The following ZNF385D variants were observed in gnomAD, a reference collection of about 807,000 sequenced individuals.
ZNF385D encodes zinc finger protein 659.
In ZNF385D, 15 loss-of-function variants were observed where a neutral mutation model predicts 35.8. The ratio of observed to expected loss-of-function variants is 0.42; its 90% confidence interval spans 0.28 to 0.64. The LOEUF (loss-of-function observed/expected upper bound fraction) is 0.64, where lower values mean the gene tolerates loss of function less well. Ranked by LOEUF, ZNF385D falls within the 30% of genes least tolerant of loss-of-function variation. The probability of loss-of-function intolerance (pLI) is 0.23; values close to 1 mark genes in which losing one functional copy is unlikely to be tolerated. For synonymous variants in ZNF385D, 212 were observed against 186.8 expected, an observed-to-expected ratio of 1.13 and a Z score of -1.10; for missense variants, 474 against 494.6, an observed-to-expected ratio of 0.96 and a Z score of 0.39.
intron 2 of ZNF385D, among the ~76,000 whole-genome samples, chr3:22,246,998 A>T (rs1699818563): frequency 6.6e-6 from 1 of 152,178 alleles, no homozygotes; most frequent in Non-Finnish European, 1.5e-5. Context: ...AAATTTAAAC[A>T]TTCACCATAT....
At chr3:22,010,328 A>G (rs1388555808) in intron 3 of ZNF385D, among the ~76,000 whole-genome samples, 1 of 152,212 alleles carries the variant, frequency 6.6e-6, no homozygotes, top group African/African-American at 2.4e-5. Context: ...AGTGGGGCAA[A>G]TCAAAATTCA....
At chr3:21,521,588 T>C (rs1245785849) in intron 3 of ZNF385D, among the ~76,000 whole-genome samples, 1 of 149,686 alleles carries the variant, frequency 6.7e-6, no homozygotes, top group Non-Finnish European at 1.5e-5. Flanking sequence ...CCCCCAACTC[T>C]GCTAAAAAAT....
chr3:22,150,986 A>G (rs1295271931), intron 3 of ZNF385D, among the ~76,000 whole-genome samples: 1 of 152,200 alleles, frequency 6.6e-6, no homozygotes, highest in Non-Finnish European at 1.5e-5. Flanking sequence ...GACCCAGCCC[A>G]CATGGACTTC....
chr3:22,014,050 G>A (rs1313551834), intron 3 of ZNF385D, among the ~76,000 whole-genome samples: 6 of 152,036 alleles, frequency 3.9e-5, no homozygotes, highest in Non-Finnish European at 8.8e-5. Context: ...AGATACGTCA[G>A]GAATGGGAAG....
chr3:21,876,268 GT>G (rs371681460), intron 3 of ZNF385D, among the ~76,000 whole-genome samples: 14 of 147,110 alleles, frequency 9.5e-5, no homozygotes, highest in East Asian at 7.9e-4. Flanking sequence ...AATCTGGTGT[GT>G]TTTTTTTTTC....
chr3:22,133,742 A>G (rs551683385), intron 3 of ZNF385D: 1 of 152,144 alleles, frequency 6.6e-6, no homozygotes, highest in African/African-American at 2.4e-5. Context: ...CAGAGACCTC[A>G]GTACTCAAGG....
intron 3 of ZNF385D, among the ~76,000 whole-genome samples, chr3:22,006,752 A>T (rs1040815992): frequency 3.3e-5 from 5 of 152,158 alleles, no homozygotes; most frequent in African/African-American, 1.2e-4. Context: ...GATAAAATAT[A>T]ATAAACATCT....
intron 3 of ZNF385D, among the ~76,000 whole-genome samples, chr3:21,869,183 T>C (rs919388273): frequency 6.6e-6 from 1 of 152,116 alleles, no homozygotes; most frequent in Non-Finnish European, 1.5e-5. Flanking sequence ...AAGAGATCAT[T>C]TTATCATTTC....
At chr3:22,143,592 A>C (rs192452928) in intron 3 of ZNF385D, among the ~76,000 whole-genome samples, 6 of 152,060 alleles carry the variant, frequency 3.9e-5, no homozygotes, top group Admixed American at 6.5e-5. Context: ...CACGATATAT[A>C]TTTTTCTGTG....
At chr3:21,535,268 C>A (rs957007851) in intron 3 of ZNF385D, among the ~76,000 whole-genome samples, 9 of 152,054 alleles carry the variant, frequency 5.9e-5, no homozygotes, top group Non-Finnish European at 1.0e-4. Context: ...CCTTTTTATT[C>A]ATCTAACTGC....
chr3:21,726,399 C>T (rs780233717), intron 1 of ZNF385D, among the ~76,000 whole-genome samples: 14 of 152,092 alleles, frequency 9.2e-5, no homozygotes, highest in Non-Finnish European at 1.3e-4. Context: ...TCTCTGTTTG[C>T]GGATGACATG....
chr3:22,190,578 TTATA>T (rs1204681615), intron 2 of ZNF385D, among the ~76,000 whole-genome samples: 1 of 152,130 alleles, frequency 6.6e-6, no homozygotes, highest in East Asian at 1.9e-4. Flanking sequence ...AAGGACAAGG[TTATA>T]TAAATACTAA....
At chr3:22,341,917 A>G (rs912678258) in intron 2 of ZNF385D, among the ~76,000 whole-genome samples, 1 of 152,182 alleles carries the variant, frequency 6.6e-6, no homozygotes, top group Non-Finnish European at 1.5e-5. Flanking sequence ...AATTATGGTA[A>G]TATCTCTGGC....
intron 3 of ZNF385D, among the ~76,000 whole-genome samples, chr3:22,008,014 T>C (rs544033298): frequency 3.3e-5 from 5 of 152,158 alleles, no homozygotes; most frequent in African/African-American, 1.2e-4. Flanking sequence ...AGTTTCTTTC[T>C]TTATATTTGG....
At chr3:21,906,445 C>G (rs1699687801) in intron 3 of ZNF385D, among the ~76,000 whole-genome samples, 1 of 152,176 alleles carries the variant, frequency 6.6e-6, no homozygotes, top group South Asian at 2.1e-4. Context: ...ACATTACCTT[C>G]AGAACTACTC....
At chr3:22,013,779 C>G (rs1696717546) in intron 3 of ZNF385D, among the ~76,000 whole-genome samples, 1 of 152,076 alleles carries the variant, frequency 6.6e-6, no homozygotes, top group African/African-American at 2.4e-5. Flanking sequence ...CAGGGAGCAT[C>G]TGGATCCATG....
At chr3:22,279,766 T>G (rs1014622003) in intron 2 of ZNF385D, among the ~76,000 whole-genome samples, 5 of 151,826 alleles carry the variant, frequency 3.3e-5, no homozygotes, top group Admixed American at 1.3e-4. Flanking sequence ...AGTAACTAAT[T>G]TGTATAATGA....
chr3:21,536,757 C>T (rs1033882352), intron 3 of ZNF385D, among the ~76,000 whole-genome samples: 1 of 151,836 alleles, frequency 6.6e-6, no homozygotes, highest in African/African-American at 2.4e-5. Context: ...GGAGAAAAAC[C>T]ATCAGGTAAG....
chr3:22,259,541 T>C (rs771346481), intron 2 of ZNF385D, among the ~76,000 whole-genome samples: 42 of 152,004 alleles, frequency 2.8e-4, no homozygotes, highest in Non-Finnish European at 4.6e-4. Context: ...AGCTGTCATA[T>C]ACTTCTGCAT....
Sources: allele counts gnomAD v4.1 joint callset (sites outside exome capture counted in the v4.1 genomes callset), GRCh38; gene constraint gnomAD v4.1.1; transcripts MANE v1.5; gene names NCBI Gene and HGNC (gene_info 2026-07-23, HGNC 2026-07-21).